GIGYF2: variants seen among roughly 807,000 people sequenced by gnomAD.
GIGYF2 encodes GRB10-interacting GYF protein 2.
GIGYF2 carries 25 observed loss-of-function variants against 208.1 expected under a neutral mutation model. The observed-to-expected ratio is 0.12, with a 90% CI of 0.09 to 0.17. The LOEUF is 0.17. GIGYF2 is among the 10% of genes least tolerant of loss of function. The pLI is 1.00. For missense variants in GIGYF2, 1,302 were observed against 1,579.4 expected, an observed-to-expected ratio of 0.82 and a Z score of 2.98; for synonymous variants, 534 against 543.8, an observed-to-expected ratio of 0.98 and a Z score of 0.25.
chr2:232,755,493 G>A (rs1698500664), intron 5 of GIGYF2, among the ~76,000 whole-genome samples: 1 of 152,108 alleles, frequency 6.6e-6, no homozygotes, highest in Admixed American at 6.6e-5. Flanking sequence ...TAAGCCTAAG[G>A]TTTTCTCTCT....
Position 232,815,669 on chromosome 2 carries a change from C to T in GIGYF2, c.2140C>T (p.Leu714=). ...WEGGSVWDLP[L]DTTTPGPALE... ...AGGTGGTAGTGTATGGGATCTTCCT[C>T]TGGACACCACGACACCAGGCCCTGC... is the stretch of plus-strand genomic sequence containing the variant. Residue 714 remains leucine (L), a synonymous_variant, in exon 19 of 29, where the codon CTG becomes TTG. Transcript: ENST00000373563. 3 of 1,605,190 alleles carry T rather than the reference C, an allele frequency of 1.9e-6. No homozygotes were observed. Among genetic ancestry groups the T allele is most frequent in the Non-Finnish European group, 2.6e-6 (3 of 1,171,854 alleles).
chr2:232,699,432 C>T (rs1695746908), intron 1 of GIGYF2, among the ~76,000 whole-genome samples: 1 of 152,138 alleles, frequency 6.6e-6, no homozygotes, highest in Non-Finnish European at 1.5e-5. Context: ...TCTTGTGATT[C>T]TTGGAAAGGG....
chr2:232,821,066 A>G (rs1701066247), intron 21 of GIGYF2, among the ~76,000 whole-genome samples: 1 of 151,902 alleles, frequency 6.6e-6, no homozygotes, highest in Admixed American at 6.6e-5. Context: ...CCTGGCCTCA[A>G]ATGATCTGCC....
chr2:232,705,149 G>C (rs377598360), intron 2 of GIGYF2, among the ~76,000 whole-genome samples: 2 of 151,304 alleles, frequency 1.3e-5, no homozygotes, highest in African/African-American at 4.9e-5. Context: ...GTGAGCCACC[G>C]CGCCCGGCCA....
intron 21 of GIGYF2, among the ~76,000 whole-genome samples, chr2:232,828,305 C>T (rs1314063936): frequency 6.6e-6 from 1 of 151,940 alleles, no homozygotes; most frequent in Non-Finnish European, 1.5e-5. Flanking sequence ...ATATTTAGTT[C>T]TAACTTAATT....
At chr2:232,818,000 TC>T in intron 20 of GIGYF2, among the ~76,000 whole-genome samples, 1 of 152,346 alleles carries the variant, frequency 6.6e-6, no homozygotes, top group Non-Finnish European at 1.5e-5. Context: ...GCACAGCTGT[TC>T]CCAGTGTCTC....
chr2:232,756,914 G>A (rs927443685), intron 6 of GIGYF2, among the ~76,000 whole-genome samples: 4 of 151,680 alleles, frequency 2.6e-5, no homozygotes, highest in African/African-American at 4.8e-5. Context: ...CCCTATTTTG[G>A]GTTTGCTGAT....
chr2:232,808,636 A>C (rs1700630613), intron 15 of GIGYF2, among the ~76,000 whole-genome samples: 1 of 152,170 alleles, frequency 6.6e-6, no homozygotes, highest in African/African-American at 2.4e-5. Flanking sequence ...TTGTGTATCA[A>C]GTATCTTATT....
At chr2:232,800,377 T>C (rs1294325240) in intron 14 of GIGYF2, among the ~76,000 whole-genome samples, 2 of 152,288 alleles carry the variant, frequency 1.3e-5, no homozygotes, top group African/African-American at 4.8e-5. Context: ...TTTGTTAAAA[T>C]GACTGTCCTT....
At chr2:232,761,118 A>T (rs1372492319) in intron 7 of GIGYF2, among the ~76,000 whole-genome samples, 3 of 152,192 alleles carry the variant, frequency 2.0e-5, no homozygotes, top group Non-Finnish European at 4.4e-5. Context: ...GGGAAAACAC[A>T]TTCTAAGAGC....
intron 5 of GIGYF2, among the ~76,000 whole-genome samples, chr2:232,753,600 C>G (rs76560279): frequency 0.023 from 3,546 of 152,198 alleles, 149 homozygotes; most frequent in African/African-American, 0.08. Context: ...TAATGGCATA[C>G]TAGCTTTTAG....
chr2:232,814,565 A>ACCCC lies in GIGYF2; in HGVS notation c.2108-1063_2108-1060dup, dbSNP rs35081043. The stretch of plus-strand genomic sequence containing the variant: ...GTGACAGAGTGAGACTCCACCTCAA[A>ACCCC]CCCCCCCCCCCCAAAAAAAAAGTAC... On this transcript the variant is annotated intron_variant, in intron 18 of 28. Transcript: ENST00000373563. Among the ~76,000 whole-genome samples the ACCCC allele has an allele frequency of 1.1e-3, 84 of 75,930 alleles. 2 individuals carry two copies. The highest frequency in any genetic ancestry group is 2.6e-3 in the African/African-American group (55 of 21,156). 49.8% of individuals were successfully genotyped at this position (75,930 alleles called of 152,430 possible).
At chr2:232,843,468 C>T (rs1053910768) in intron 23 of GIGYF2, among the ~76,000 whole-genome samples, 4 of 149,308 alleles carry the variant, frequency 2.7e-5, no homozygotes, top group Admixed American at 6.8e-5. Context: ...GAGGCCGAGG[C>T]AGGAGAATTA....
chr2:232,737,281 T>C (rs1213507748), intron 3 of GIGYF2, among the ~76,000 whole-genome samples: 1 of 152,204 alleles, frequency 6.6e-6, no homozygotes, highest in Non-Finnish European at 1.5e-5. Context: ...GAAGTTTTGT[T>C]TGATGGTATT....
At chr2:232,838,244 G>A (rs193207113) in intron 22 of GIGYF2, among the ~76,000 whole-genome samples, 8 of 152,122 alleles carry the variant, frequency 5.3e-5, no homozygotes, top group East Asian at 1.9e-4. Context: ...GAGAAAGAGC[G>A]TGTGTATGTA....
intron 2 of GIGYF2, among the ~76,000 whole-genome samples, chr2:232,716,609 C>T (rs1393459615): frequency 6.6e-6 from 1 of 151,898 alleles, no homozygotes; most frequent in Non-Finnish European, 1.5e-5. Flanking sequence ...GTCTTGAACT[C>T]CTGGCCTCAT....
At chr2:232,703,000 T>C (rs1695924119) in intron 1 of GIGYF2, among the ~76,000 whole-genome samples, 1 of 152,184 alleles carries the variant, frequency 6.6e-6, no homozygotes, top group South Asian at 2.1e-4. Flanking sequence ...TTGCCCAGGC[T>C]GGTCTTGAAT....
chr2:232,766,560 T>A (rs1276391176), intron 8 of GIGYF2: 1 of 152,372 alleles, frequency 6.6e-6, no homozygotes, highest in Non-Finnish European at 1.5e-5. Context: ...GTTACAATAG[T>A]CTTGGGTTGG....
At position 232,814,329 on chromosome 2, in the gene GIGYF2, G is replaced by A. The variant is rs149119088; in HGVS notation, c.2108-1308G>A. ...TGTAATCCCAGCACTTTGGGAGGCCGAGGTGGGTGGATCACGAAGTCAGAA... is the reference window on the plus strand; with the variant it reads ...TGTAATCCCAGCACTTTGGGAGGCCAAGGTGGGTGGATCACGAAGTCAGAA... On this transcript the variant is annotated intron_variant, in intron 18 of 28. Transcript: ENST00000373563. 4.1e-3 allele frequency among the ~76,000 whole-genome samples: 623 copies of A among 152,062 alleles called. 6 individuals are homozygous for A. The highest frequency in any genetic ancestry group is 0.014 in the Middle Eastern group (4 of 294).
Sources: gnomAD v4.1 joint callset for allele counts (sites outside exome capture counted in the v4.1 genomes callset) on GRCh38, gnomAD v4.1.1 for gene constraint, MANE v1.5 for transcripts, NCBI Gene and HGNC (gene_info 2026-07-23, HGNC 2026-07-21) for gene names.